Variants in KCNH1 observed in about 807,000 individuals in gnomAD.
KCNH1 encodes voltage-gated delayed rectifier potassium channel KCNH1.
KCNH1 carries 27 observed loss-of-function variants against 69.2 expected under a neutral mutation model. That is an observed-to-expected ratio of 0.39 (90% CI 0.29 to 0.54). The LOEUF (loss-of-function observed/expected upper bound fraction) is 0.54, where lower values mean the gene tolerates loss of function less well. KCNH1 is among the 20% of genes least tolerant of loss of function. KCNH1 has a pLI of 0.68. For synonymous variants in KCNH1, 456 were observed against 487.7 expected (o/e 0.93, Z 0.86); for missense variants, 798 against 1,261.6 (o/e 0.63, Z 5.57).
intron 6 of KCNH1, among the ~76,000 whole-genome samples, chr1:210,933,338 G>A (rs1295645734): frequency 1.3e-5 from 2 of 149,718 alleles, no homozygotes; most frequent in African/African-American, 4.9e-5. Context: ...ACAGCAAGGG[G>A]AACATCAAAC....
chr1:210,903,760 G>C (rs1687043029), intron 7 of KCNH1, among the ~76,000 whole-genome samples: 1 of 152,170 alleles, frequency 6.6e-6, no homozygotes. Context: ...CAATACTGCA[G>C]AGCAGATCTC....
chr1:210,692,668 G>A (rs1233474889), intron 10 of KCNH1, among the ~76,000 whole-genome samples: 2 of 152,112 alleles, frequency 1.3e-5, no homozygotes, highest in Non-Finnish European at 2.9e-5. Flanking sequence ...CAAGAGACAG[G>A]GAAAAATGCA....
At chr1:210,818,767 C>G (rs1279809867) in intron 7 of KCNH1, among the ~76,000 whole-genome samples, 1 of 152,208 alleles carries the variant, frequency 6.6e-6, no homozygotes, top group Non-Finnish European at 1.5e-5. Context: ...TAACCAACAA[C>G]ACCCACATGG....
rs1402600632 is a variant in KCNH1, at chr1:210,934,604, A to G, written c.1033-14535T>C. Among the ~76,000 whole-genome samples the G allele has an allele frequency of 1.3e-5, 2 of 151,934 alleles. 1 individual carries two copies. On this transcript the variant is annotated intron_variant, in intron 6 of 10. Transcript: ENST00000271751. Reference sequence around the variant, plus strand: ...CAGTGAGCCGAAAGCGTGCCACTGCACTCCAGCCTGGGTGACAGAGCAAGA... The same window carrying G: ...CAGTGAGCCGAAAGCGTGCCACTGCGCTCCAGCCTGGGTGACAGAGCAAGA...
At chr1:210,779,729 A>G (rs530555762) in intron 9 of KCNH1, among the ~76,000 whole-genome samples, 262 of 148,900 alleles carry the variant, frequency 1.8e-3, no homozygotes, top group African/African-American at 5.8e-3. Flanking sequence ...CTGAGCTGGG[A>G]AAAAAAAAAG....
chr1:210,707,600 G>C (rs182370401), intron 10 of KCNH1, among the ~76,000 whole-genome samples: 40 of 152,232 alleles, frequency 2.6e-4, no homozygotes, highest in African/African-American at 9.1e-4. Context: ...CCAGGAAGCC[G>C]GCTGGCCACA....
chr1:210,860,882 T>C, intron 7 of KCNH1: 1 of 923,772 alleles, frequency 1.1e-6, no homozygotes, highest in Non-Finnish European at 1.8e-6. Flanking sequence ...CCTAGTTCAC[T>C]GCTGAAGAGA....
intron 7 of KCNH1, among the ~76,000 whole-genome samples, chr1:210,828,952 C>A (rs1685097850): frequency 6.6e-6 from 1 of 152,170 alleles, no homozygotes; most frequent in South Asian, 2.1e-4. Context: ...CGCTTCCAGG[C>A]TAACAGATTA....
At chr1:211,069,764 T>C (rs571091614) in intron 5 of KCNH1, among the ~76,000 whole-genome samples, 2,464 of 152,330 alleles carry the variant, frequency 0.016, 69 homozygotes, top group African/African-American at 0.056. Flanking sequence ...CAACAGTTAG[T>C]TATGCAGTTA....
intron 6 of KCNH1, among the ~76,000 whole-genome samples, chr1:210,946,507 C>T (rs6671576): frequency 0.085 from 13,002 of 152,186 alleles, 1,571 homozygotes; most frequent in African/African-American, 0.27. Flanking sequence ...CCTGTATTAC[C>T]CATCCCACTT....
intron 7 of KCNH1, among the ~76,000 whole-genome samples, chr1:210,877,546 C>T (rs1159369919): frequency 2.6e-5 from 4 of 152,124 alleles, no homozygotes. Flanking sequence ...AATGATGGGA[C>T]CCTCATCACT....
At chr1:210,821,604 G>A (rs1236790646) in intron 7 of KCNH1, among the ~76,000 whole-genome samples, 2 of 152,128 alleles carry the variant, frequency 1.3e-5, no homozygotes, top group African/African-American at 4.8e-5. Context: ...GCCAGGAGGA[G>A]TGAAACTTAG....
chr1:211,070,619 T>C (rs980716399), intron 5 of KCNH1, among the ~76,000 whole-genome samples: 6 of 150,058 alleles, frequency 4.0e-5, no homozygotes, highest in Admixed American at 1.3e-4. Context: ...AGGTCAGGAG[T>C]TGGAGACCAG....
intron 7 of KCNH1, among the ~76,000 whole-genome samples, chr1:210,873,399 G>A (rs1230824443): frequency 2.0e-5 from 3 of 152,004 alleles, no homozygotes; most frequent in South Asian, 2.1e-4. Context: ...CCAGGCTGGC[G>A]TTCAGTAGGG....
intron 7 of KCNH1, among the ~76,000 whole-genome samples, chr1:210,867,997 T>G (rs777300869): frequency 2.0e-5 from 3 of 152,074 alleles, no homozygotes; most frequent in Non-Finnish European, 4.4e-5. Context: ...TGTGAACATA[T>G]GTTTTCACTG....
At chr1:210,974,022 A>T (rs183325343) in intron 6 of KCNH1, among the ~76,000 whole-genome samples, 1 of 152,160 alleles carries the variant, frequency 6.6e-6, no homozygotes, top group African/African-American at 2.4e-5. Flanking sequence ...TGAGTTTGTC[A>T]GTTTCACCAC....
chr1:210,997,570 C>A (rs1204435056), intron 6 of KCNH1, among the ~76,000 whole-genome samples: 2 of 152,106 alleles, frequency 1.3e-5, no homozygotes, highest in African/African-American at 2.4e-5. Flanking sequence ...AGAATGGAAC[C>A]AAGTTGGAAA....
chr1:210,867,770 G>A (rs540058656), intron 7 of KCNH1, among the ~76,000 whole-genome samples: 1 of 152,066 alleles, frequency 6.6e-6, no homozygotes. Context: ...AAATCCTACA[G>A]CATGTACTAT....
chr1:210,800,941 C>T (rs560019840), intron 8 of KCNH1, among the ~76,000 whole-genome samples: 122 of 152,332 alleles, frequency 8.0e-4, no homozygotes, highest in African/African-American at 2.7e-3. Context: ...TACTTAGCTC[C>T]TCTCCCCATG....
Sources: allele counts gnomAD v4.1 joint callset (sites outside exome capture counted in the v4.1 genomes callset), GRCh38; gene constraint gnomAD v4.1.1; transcripts MANE v1.5; gene names NCBI Gene and HGNC (gene_info 2026-07-23, HGNC 2026-07-21).